Variants in TTN observed in about 807,000 individuals in gnomAD.
TTN encodes titin.
TTN carries 1,525 observed loss-of-function variants against 3,223.0 expected under a neutral mutation model. That is an observed-to-expected ratio of 0.47 (90% confidence interval 0.45 to 0.49). The LOEUF (loss-of-function observed/expected upper bound fraction) is 0.49. Ranked by LOEUF, TTN falls within the 20% of genes least tolerant of loss-of-function variation. The probability of loss-of-function intolerance (pLI) is 0.00; values close to 1 mark genes in which losing one functional copy is unlikely to be tolerated. For synonymous variants in TTN, 14,094 were observed against 15,161.0 expected (o/e 0.93, Z 5.17); for missense variants, 40,786 against 43,424.0 (o/e 0.94, Z 5.40).
In TTN at chr2:178,616,520, C is replaced by T. The variant is rs369143612; in HGVS notation, c.48271G>A (p.Val16091Ile). The T allele has an allele frequency of 1.1e-5, 17 of 1,612,350 alleles. No homozygotes were observed. The African/African-American group carries it at 1.1e-4, about 10-fold the overall frequency. The part of the protein sequence containing the change: ...DDGGSPLTGY[V>I]VEKREVSRKT... ...CGGCTGACTTCTCGTTTTTCAACAA[C>T]GTATCCAGTTAACGGACTTCCTCCA... Residue 16091 changes from valine (V) to isoleucine (I), a missense_variant, in exon 257 of 363, where the codon GTT becomes ATT. By Grantham distance (29) the Val-to-Ile change is conservative. Coordinates refer to ENST00000589042, the MANE Select transcript of TTN (RefSeq NM_001267550.2).
At position 178,539,596 on chromosome 2, in the gene TTN, A is replaced by G. The variant is rs769200122; in HGVS notation, c.98469T>C (p.Asp32823=). The change falls in exon 352 of 363, where the codon GAT becomes GAC. Residue 32823 remains aspartate (D), a synonymous_variant. Transcript: ENST00000589042. ...VRVSWRPPAD[D]GGADILGYIL... Reference sequence around the variant, plus strand: ...TGTAGCCTAAGATGTCAGCACCACCATCATCAGCAGGAGGTCTCCAGCTGA... The same window carrying G: ...TGTAGCCTAAGATGTCAGCACCACCGTCATCAGCAGGAGGTCTCCAGCTGA... 1.9e-6 allele frequency: 3 copies of G among 1,613,868 alleles called. No individual in the cohort carries two copies. Among genetic ancestry groups the G allele is most frequent in the South Asian group, 1.1e-5 (1 of 91,082 alleles).
chr2:178,621,695 A>G lies in TTN; in HGVS notation c.45129T>C (p.Ser15043=). ...AAACCAGTTTTATAGTGTCTGTTTC[A>G]CTAACTTCAATGTTGGCAAGATTTT... ...FTKNLANIEV[S]ETDTIKLVCE... is the part of the protein sequence containing the mutation. The change falls in exon 245 of 363, where the codon AGT becomes AGC. Residue 15043 remains serine, a synonymous_variant. Coordinates refer to ENST00000589042, the MANE Select transcript of TTN (RefSeq NM_001267550.2). The G allele has an allele frequency of 1.2e-6, 2 of 1,612,030 alleles. No homozygotes were observed. Among genetic ancestry groups the G allele is most frequent in the Non-Finnish European group, 1.7e-6 (2 of 1,179,004 alleles).
intron 313 of TTN, 79 bp downstream of exon 313, chr2:178,582,861 C>G: frequency 8.3e-7 from 1 of 1,209,932 alleles, no homozygotes; most frequent in Non-Finnish European, 1.1e-6. Flanking sequence ...AATGTCTTCT[C>G]CCACATTATT....
chr2:178,532,648 C>T lies in TTN; in HGVS notation c.103967G>A (p.Gly34656Glu). The change falls in exon 358 of 363, where the codon GGG (glycine) becomes GAG (glutamate). Residue 34656 changes from glycine (G) to glutamate (E), a missense_variant. Coordinates refer to ENST00000589042, the MANE Select transcript of TTN (RefSeq NM_001267550.2). ...GAGTAATTCTTCATCAGAGATGTCCCCAAGAGAACGTCTTCTAGGTCGGTA... is the reference window on the plus strand; with the variant it reads ...GAGTAATTCTTCATCAGAGATGTCCTCAAGAGAACGTCTTCTAGGTCGGTA... ...FYYRPRRRSL[G>E]DISDEELLLP... 6.2e-7 allele frequency: 1 copy of T among 1,613,908 alleles called. No individual in the cohort carries two copies. The highest frequency in any genetic ancestry group is 8.5e-7 in the Non-Finnish European group (1 of 1,179,858).
At position 178,602,410 on chromosome 2, in the gene TTN, G is replaced by A. The variant is rs2053691447; in HGVS notation, c.54992C>T (p.Thr18331Ile). 1 of 1,612,688 alleles carries A rather than the reference G, an allele frequency of 6.2e-7. No individual in the cohort carries two copies. The highest frequency in any genetic ancestry group is 8.5e-7 in the Non-Finnish European group (1 of 1,179,198). The change falls in exon 283 of 363, where the codon ACC becomes ATC. Residue 18331 changes from threonine to isoleucine, a missense_variant. By Grantham distance (89) the Thr-to-Ile change is moderately conservative (BLOSUM62 -1). Coordinates refer to ENST00000589042, the MANE Select transcript of TTN (RefSeq NM_001267550.2). ...RVNEPDKLIT[T>I]CECVVPNLKE... ...CAGATTAGGCACCACACATTCACAGGTAGTTATAAGTTTGTCTGGTTCATT... is the reference window on the plus strand; with the variant it reads ...CAGATTAGGCACCACACATTCACAGATAGTTATAAGTTTGTCTGGTTCATT...
Position 178,748,095 on chromosome 2 carries a change from C to CT in TTN, c.11311+5028dup, listed in dbSNP as rs1454950897. ...CCTAAAGGCTTTTCCTCACTTGCTGCTTTTTTCAAATGTGAGATGGAACTT... is the reference window on the plus strand; with the variant it reads ...CCTAAAGGCTTTTCCTCACTTGCTGCTTTTTTTCAAATGTGAGATGGAACTT... On this transcript the variant is annotated intron_variant, in intron 47 of 362. Transcript: ENST00000589042. 1.9e-6 allele frequency: 3 copies of CT among 1,612,992 alleles called. No homozygotes were observed. The highest frequency in any genetic ancestry group is 2.5e-6 in the Non-Finnish European group (3 of 1,179,550).
Position 178,548,456 on chromosome 2 carries a change from T to C in TTN, c.93170A>G (p.Glu31057Gly), listed in dbSNP as rs1353038457. The stretch of plus-strand genomic sequence containing the variant: ...AACCTGCCAACTACGGCGACTTGCC[T>C]CTCGTTTCTCTACCACATAATGATG... ...RIHHYVVEKR[E>G]ASRRSWQVIS... is the part of the protein sequence containing the mutation. The change falls in exon 339 of 363, where the codon GAG (glutamate) becomes GGG (glycine). Residue 31057 changes from glutamate to glycine, a missense_variant. Coordinates refer to ENST00000589042, the MANE Select transcript of TTN (RefSeq NM_001267550.2). The surrounding 1 kb of genome is among the most constrained non-coding windows in gnomAD (Gnocchi z 4.3). 1 of 1,613,714 alleles carries C rather than the reference T, an allele frequency of 6.2e-7. No homozygotes were observed. Among genetic ancestry groups the C allele is most frequent in the East Asian group, 2.2e-5 (1 of 44,876 alleles).
chr2:178,782,933 T>C lies in TTN; in HGVS notation c.2973A>G (p.Ile991Met). 1.2e-6 allele frequency: 2 copies of C among 1,614,168 alleles called. No homozygotes were observed. Among genetic ancestry groups the C allele is most frequent in the Non-Finnish European group, 1.7e-6 (2 of 1,180,010 alleles). Residue 991 changes from isoleucine (I) to methionine (M), a missense_variant, in exon 18 of 363, where the codon ATA becomes ATG. Transcript: ENST00000589042. ...YQIESSIDFQ[I>M]TFQSGIARLM... Reference sequence around the variant, plus strand: ...GACGAGCAATTCCACTCTGGAAGGTTATCTGGAAGTCAATGGAACTTTCGA... The same window carrying C: ...GACGAGCAATTCCACTCTGGAAGGTCATCTGGAAGTCAATGGAACTTTCGA...
Position 178,553,939 on chromosome 2 carries a change from T to A in TTN, c.89172A>T (p.Glu29724Asp). The A allele has an allele frequency of 6.2e-7, 1 of 1,604,466 alleles. No homozygotes were observed. Among genetic ancestry groups the A allele is most frequent in the Non-Finnish European group, 8.5e-7 (1 of 1,177,126 alleles). ...CAATAGGATCAGCAGCTTTGTAGAA[T>A]TCAGATGGTTCAGAAAATGGACCCT... ...AGQGPFSEPS[E>D]FYKAADPIDP... is the part of the protein sequence containing the mutation. Residue 29724 changes from glutamate to aspartate, a missense_variant, in exon 333 of 363, where the codon GAA (glutamate) becomes GAT (aspartate). By Grantham distance (45) the Glu-to-Asp change is conservative. Transcript: ENST00000589042.
At chr2:178,615,930 A>T in intron 257 of TTN, 142 bp from the exon 258 acceptor site, 1 of 963,404 alleles carries the variant, frequency 1.0e-6, no homozygotes, top group Non-Finnish European at 1.5e-6. Flanking sequence ...ATATTAGGGA[A>T]AATTGCAAAG....
Position 178,777,001 on chromosome 2 carries a change from G to T in TTN, c.4863C>A (p.Val1621=), listed in dbSNP as rs1490287801. 6.2e-7 allele frequency: 1 copy of T among 1,613,922 alleles called. No homozygotes were observed. The highest frequency in any genetic ancestry group is 1.3e-5 in the African/African-American group (1 of 74,922). ...CAGTATACCAGGCAGAATCTTGGCT[G>T]ACAGTGGAATCGATTTTAAGGGCAG... ...GEAALKIDST[V]SQDSAWYTAT... Residue 1621 remains valine (V), a synonymous_variant, in exon 28 of 363, where the codon GTC becomes GTA. Coordinates refer to ENST00000589042, the MANE Select transcript of TTN (RefSeq NM_001267550.2).
chr2:178,643,402 T>G (rs1407884014), intron 218 of TTN, among the ~76,000 whole-genome samples: 4 of 151,956 alleles, frequency 2.6e-5, no homozygotes, highest in African/African-American at 7.2e-5. Flanking sequence ...ATTTTAAAGT[T>G]AAACATTACG....
Position 178,780,152 on chromosome 2 carries a change from C to T in TTN, c.3577G>A (p.Val1193Met), listed in dbSNP as rs727503699. ...SQQEMLYQTQ[V>M]TAFVQEPKVG... ...TTAGGTTCTTGAACAAATGCAGTCA[C>T]TTGTGTCTGATAAAGCATTTCTTGC... The change falls in exon 22 of 363, where the codon GTG (valine) becomes ATG (methionine). Residue 1193 changes from valine (V) to methionine (M), a missense_variant. Coordinates refer to ENST00000589042, the MANE Select transcript of TTN (RefSeq NM_001267550.2). The T allele has an allele frequency of 4.3e-6, 7 of 1,613,750 alleles. No homozygotes were observed. The African/African-American group carries it at 9.3e-5, about 22-fold the overall frequency.
At chr2:178,718,285 G>GA in intron 85 of TTN, 37 bp downstream of exon 85, 1 of 1,600,498 alleles carries the variant, frequency 6.2e-7, no homozygotes, top group Non-Finnish European at 8.5e-7. Flanking sequence ...TGTTTGAAAA[G>GA]AAAGAGAGCA....
chr2:178,527,234 A>G lies in TTN; in HGVS notation c.107754T>C (p.Cys35918=). 6.2e-7 allele frequency: 1 copy of G among 1,613,884 alleles called. No homozygotes were observed. The highest frequency in any genetic ancestry group is 2.2e-5 in the East Asian group (1 of 44,876). The change falls in exon 363 of 363, where the codon TGT becomes TGC. Residue 35918 remains cysteine (C), a synonymous_variant. Coordinates refer to ENST00000589042, the MANE Select transcript of TTN (RefSeq NM_001267550.2). ...IDEGKVLTVA[C]AFTGEPTPEV... ...CTGGGGTAGGCTCACCCGTGAAAGCACAGGCTACTGTTAGAACTTTGCCTT... is the reference window on the plus strand; with the variant it reads ...CTGGGGTAGGCTCACCCGTGAAAGCGCAGGCTACTGTTAGAACTTTGCCTT...
Position 178,592,800 on chromosome 2 carries a change from C to T in TTN, c.59319G>A (p.Glu19773=), listed in dbSNP as rs367622770. Reference sequence around the variant, plus strand: ...CAAGCCTGTCTTTTACTAGGACTGGCTCCGGAACATGAGCTGGATCTGATT... The same window carrying T: ...CAAGCCTGTCTTTTACTAGGACTGGTTCCGGAACATGAGCTGGATCTGATT... ...AGESDPAHVP[E]PVLVKDRLEP... The change falls in exon 300 of 363, where the codon GAG becomes GAA. Residue 19773 remains glutamate, a synonymous_variant. Transcript: ENST00000589042. 1,041 of 1,613,500 alleles carry T rather than the reference C, an allele frequency of 6.5e-4. 1 individual carries two copies. The highest frequency in any genetic ancestry group is 8.0e-4 in the Non-Finnish European group (945 of 1,179,618).
intron 111 of TTN, among the ~76,000 whole-genome samples, chr2:178,699,432 G>GCTAA: frequency 9.2e-5 from 4 of 43,524 alleles, no homozygotes; most frequent in African/African-American, 2.9e-4. Flanking sequence ...TTTTTTTTGA[G>GCTAA]ACGGAGTCCC....
chr2:178,677,942 A>G, intron 145 of TTN, 25 bp from the exon 146 acceptor site: 2 of 1,573,082 alleles, frequency 1.3e-6, no homozygotes, highest in Non-Finnish European at 1.7e-6. Flanking sequence ...ATTCAAGGGT[A>G]CAAACATCAC....
chr2:178,634,141 A>G lies in TTN; in HGVS notation c.42416-58T>C. 1 of 1,595,154 alleles carries G rather than the reference A, an allele frequency of 6.3e-7. No homozygotes were observed. Among genetic ancestry groups the G allele is most frequent in the Non-Finnish European group, 8.5e-7 (1 of 1,174,036 alleles). On this transcript the variant is annotated intron_variant, in intron 230 of 362. Coordinates refer to ENST00000589042, the MANE Select transcript of TTN (RefSeq NM_001267550.2). The surrounding 1 kb of genome is among the most constrained non-coding windows in gnomAD (Gnocchi z 4.6). Reference sequence around the variant, plus strand: ...CACAATTCACCTTCAGAAAGATTCCATTCTAATCTGCCTGAGTAAAAGGGA... The same window carrying G: ...CACAATTCACCTTCAGAAAGATTCCGTTCTAATCTGCCTGAGTAAAAGGGA...
Sources: gnomAD v4.1 joint callset for allele counts (sites outside exome capture counted in the v4.1 genomes callset) on GRCh38, gnomAD v4.1.1 for gene constraint, Gnocchi (gnomAD v3.1) non-coding constraint, MANE v1.5 for transcripts, NCBI Gene and HGNC (gene_info 2026-07-23, HGNC 2026-07-21) for gene names.